Variants in PRKCH observed in about 807,000 individuals in gnomAD.
PRKCH encodes the protein protein kinase C eta, also known as protein kinase C eta type.
In PRKCH, 28 loss-of-function variants were observed where a neutral mutation model predicts 82.5. The observed-to-expected ratio is 0.34, with a 90% confidence interval of 0.25 to 0.47. The LOEUF (loss-of-function observed/expected upper bound fraction) is 0.47. PRKCH is among the 20% of genes least tolerant of loss of function. The pLI is 1.00. For synonymous variants in PRKCH, 322 were observed against 327.4 expected, an observed-to-expected ratio of 0.98 and a Z score of 0.18; for missense variants, 705 against 881.8, an observed-to-expected ratio of 0.80 and a Z score of 2.54.
chr14:61,357,122 T>C (rs1204180762), intron 1 of PRKCH, among the ~76,000 whole-genome samples: 1 of 152,226 alleles, frequency 6.6e-6, no homozygotes, highest in Non-Finnish European at 1.5e-5. Context: ...CTATGGCATA[T>C]CTGCACATCT....
chr14:61,199,355 A>G (rs546716697), intron 1 of PRKCH, among the ~76,000 whole-genome samples: 3 of 152,330 alleles, frequency 2.0e-5, no homozygotes, highest in African/African-American at 7.2e-5. Flanking sequence ...AACTTCGCCC[A>G]TGGTTTCCCA....
At chr14:61,324,328 G>A (rs1271296860) in intron 1 of PRKCH, among the ~76,000 whole-genome samples, 2 of 152,206 alleles carry the variant, frequency 1.3e-5, no homozygotes, top group African/African-American at 4.8e-5. Flanking sequence ...ACACTTAGAT[G>A]TTTAATATAA....
chr14:61,504,363 T>A (rs1887048081), intron 10 of PRKCH, among the ~76,000 whole-genome samples: 1 of 152,066 alleles, frequency 6.6e-6, no homozygotes, highest in Non-Finnish European at 1.5e-5. Context: ...TAATTTTTGT[T>A]ATTTTTAGTA....
intron 1 of PRKCH, chr14:61,277,253 TTTGA>T (rs1290628497): frequency 1.3e-5 from 2 of 152,188 alleles, no homozygotes; most frequent in Non-Finnish European, 2.9e-5. Flanking sequence ...GGTTAGTTGA[TTTGA>T]TTGTGGAGAT....
intron 1 of PRKCH, among the ~76,000 whole-genome samples, chr14:61,362,173 T>C (rs1452368043): frequency 6.6e-6 from 1 of 152,040 alleles, no homozygotes; most frequent in Non-Finnish European, 1.5e-5. Flanking sequence ...TTCATCTCTA[T>C]GTTTTTATGT....
chr14:61,398,578 G>C (rs1376151701), intron 2 of PRKCH, among the ~76,000 whole-genome samples: 2 of 152,182 alleles, frequency 1.3e-5, no homozygotes, highest in Non-Finnish European at 2.9e-5. Context: ...CAGACATGAT[G>C]TGTCTCCTGA....
In PRKCH at chr14:61,257,993, T is replaced by A. The variant is rs570349699; in HGVS notation, c.-19+70325T>A. Among the ~76,000 whole-genome samples, 68 of 152,084 alleles carry A rather than the reference T, an allele frequency of 4.5e-4. 1 individual carries two copies. The South Asian group carries it at 0.013, about 29-fold the overall frequency. ...TTATGGATTTTTTTTTCTAAGTTGC[T>A]AGGTGTTTTAACTGGAGAAGGCTGG... On this transcript the variant is annotated intron_variant, in intron 1 of 3. Coordinates refer to the PRKCH transcript ENST00000555185.
intron 1 of PRKCH, among the ~76,000 whole-genome samples, chr14:61,282,165 C>T (rs1454476362): frequency 6.6e-6 from 1 of 151,680 alleles, no homozygotes; most frequent in Non-Finnish European, 1.5e-5. Context: ...CTGCTATCCA[C>T]AAAAACATCT....
intron 1 of PRKCH, among the ~76,000 whole-genome samples, chr14:61,347,068 C>T (rs186467702): frequency 1.8e-4 from 27 of 152,132 alleles, no homozygotes; most frequent in Admixed American, 1.2e-3. Context: ...TTCTTTGAGT[C>T]CCTTTGAAAT....
chr14:61,318,373 T>TC (rs1332682484), upstream of PRKCH, among the ~76,000 whole-genome samples: 1 of 150,354 alleles, frequency 6.7e-6, no homozygotes, highest in East Asian at 1.9e-4. Flanking sequence ...AAGTTTTTTT[T>TC]TTTTTTTTTT....
At chr14:61,323,182 C>G (rs368761590) in intron 1 of PRKCH, among the ~76,000 whole-genome samples, 1 of 152,072 alleles carries the variant, frequency 6.6e-6, no homozygotes, top group Non-Finnish European at 1.5e-5. Flanking sequence ...TGTCTTCCCT[C>G]CCCCCATCAC....
chr14:61,463,994 T>C (rs1212709350), intron 9 of PRKCH, among the ~76,000 whole-genome samples: 2 of 152,258 alleles, frequency 1.3e-5, no homozygotes, highest in African/African-American at 2.4e-5. Flanking sequence ...GTTGATTCCA[T>C]ATCTTGGCTA....
At chr14:61,214,634 G>A (rs373058180) in intron 1 of PRKCH, among the ~76,000 whole-genome samples, 3 of 152,126 alleles carry the variant, frequency 2.0e-5, no homozygotes, top group Admixed American at 6.5e-5. Flanking sequence ...TTCCTGGGGG[G>A]TAGTTTTCTC....
At chr14:61,246,502 C>T (rs2044884587) in intron 1 of PRKCH, among the ~76,000 whole-genome samples, 1 of 152,076 alleles carries the variant, frequency 6.6e-6, no homozygotes, top group African/African-American at 2.4e-5. Context: ...CAGAGTCTTC[C>T]CCAAAATTTC....
At chr14:61,455,742 G>A (rs1884736827) in intron 7 of PRKCH, among the ~76,000 whole-genome samples, 1 of 152,208 alleles carries the variant, frequency 6.6e-6, no homozygotes, top group South Asian at 2.1e-4. Context: ...GACATCCGGT[G>A]CCTGGCTGGA....
intron 4 of PRKCH, among the ~76,000 whole-genome samples, chr14:61,447,588 G>A (rs1224204987): frequency 1.3e-5 from 2 of 152,132 alleles, no homozygotes; most frequent in Admixed American, 6.5e-5. Flanking sequence ...ACCATAAACG[G>A]TATCTTCTTA....
chr14:61,341,185 C>G (rs894814633), intron 1 of PRKCH, among the ~76,000 whole-genome samples: 4 of 152,286 alleles, frequency 2.6e-5, no homozygotes, highest in African/African-American at 9.6e-5. Flanking sequence ...ATCGGCTGGC[C>G]CTGCCTTCCC....
At chr14:61,485,805 A>C in intron 10 of PRKCH, 149 bp downstream of exon 10, 1 of 1,108,504 alleles carries the variant, frequency 9.0e-7, no homozygotes, top group Non-Finnish European at 1.3e-6. Flanking sequence ...TTTTTGAGAC[A>C]GGGTCTCACT....
At chr14:61,323,616 C>T (rs1193183229) in intron 1 of PRKCH, among the ~76,000 whole-genome samples, 3 of 151,968 alleles carry the variant, frequency 2.0e-5, no homozygotes, top group African/African-American at 4.8e-5. Flanking sequence ...GTAATTTTAC[C>T]GTATATTTTC....
Sources: allele counts gnomAD v4.1 joint callset (sites outside exome capture counted in the v4.1 genomes callset), GRCh38; gene constraint gnomAD v4.1.1; transcripts MANE v1.5; gene names NCBI Gene and HGNC (gene_info 2026-07-23, HGNC 2026-07-21).